PLPPR3: variants seen among roughly 807,000 people sequenced by gnomAD.
PLPPR3 encodes the protein phospholipid phosphatase-related protein type 3.
A neutral mutation model predicts 27.3 loss-of-function variants in PLPPR3; 14 were observed. The observed-to-expected ratio is 0.51, with a 90% CI of 0.34 to 0.80. The LOEUF is 0.80. Among genes scored for constraint, PLPPR3 ranks in the 30% least tolerant of loss-of-function variants. The pLI, the probability that PLPPR3 is intolerant of heterozygous loss-of-function variation, is 0.01. For missense variants in PLPPR3, 1,287 were observed against 1,056.9 expected (o/e 1.22, Z -3.02); for synonymous variants, 671 against 508.0 (o/e 1.32, Z -4.32).
intron 3 of PLPPR3, 115 bp downstream of exon 3, chr19:815,551 C>A (rs2035039359): frequency 8.2e-7 from 1 of 1,225,736 alleles, no homozygotes; most frequent in Non-Finnish European, 1.1e-6. Context: ...CTGGCACAGG[C>A]CCCGGTGTGG....
At position 814,761 on chromosome 19, in the gene PLPPR3, G is replaced by C. The variant is rs545994545; in HGVS notation, c.600-12C>G. ...ACGGGAAGGTCTTCCTGTAAGAGGC[G>C]TCCAGCGTGAGCCCCGCCCACCTGG... On this transcript the variant is annotated splice_polypyrimidine_tract_variant and intron_variant, in intron 5 of 7. Coordinates refer to ENST00000520876, the MANE Select transcript of PLPPR3 (RefSeq NM_001270366.2). 1.9e-6 allele frequency: 3 copies of C among 1,563,510 alleles called. No individual in the cohort carries two copies. The highest frequency in any genetic ancestry group is 2.6e-6 in the Non-Finnish European group (3 of 1,159,184).
Position 814,969 on chromosome 19 carries a change from G to A in PLPPR3, c.516C>T (p.Leu172=). The change falls in exon 5 of 8, where the codon CTC becomes CTT. Residue 172 remains leucine (L), a synonymous_variant. Coordinates refer to ENST00000520876, the MANE Select transcript of PLPPR3 (RefSeq NM_001270366.2). ...FLTVCKPNYT[L]LGTSCEVNPY... The stretch of plus-strand genomic sequence containing the variant: ...GGTTGACCTCGCAGGACGTGCCCAG[G>A]AGAGTGTAGTTGGGCTTGCAGACGG... 1.2e-6 allele frequency: 2 copies of A among 1,612,686 alleles called. No homozygotes were observed. Among genetic ancestry groups the A allele is most frequent in the Non-Finnish European group, 1.7e-6 (2 of 1,179,964 alleles).
chr19:822,060 AG>A (rs2035157351), upstream of PLPPR3: 1 of 150,284 alleles, frequency 6.7e-6, no homozygotes, highest in Non-Finnish European at 1.5e-5. Flanking sequence ...CGCCGCAGCC[AG>A]GGGCGGGGGC....
rs138673893 is a variant in PLPPR3 at position 818,393 on chromosome 19, A to C, written c.76-2542T>G. ...GCAGGACTCCATCTCAAAAAATAAT[A>C]ATAATAAATAAAATAATAATAATAA... On this transcript the variant is annotated intron_variant, in intron 2 of 7. Transcript: ENST00000520876. 3.9e-3 allele frequency among the ~76,000 whole-genome samples: 597 copies of C among 151,802 alleles called. 3 individuals are homozygous for C. Among genetic ancestry groups the C allele is most frequent in the African/African-American group, 0.014 (573 of 41,366 alleles).
Position 814,460 on chromosome 19 carries a change from T to C in PLPPR3, c.805A>G (p.Ile269Val), listed in dbSNP as rs770283304. The change falls in exon 7 of 8, where the codon ATC becomes GTC. Residue 269 changes from isoleucine (I) to valine (V), a missense_variant. Physicochemically the swap from Ile to Val is conservative, Grantham distance 29. Coordinates refer to ENST00000520876, the MANE Select transcript of PLPPR3 (RefSeq NM_001270366.2). Reference protein sequence around the residue: ...HPVDVYAGFLIGAGIAAYLAC... With the variant: ...HPVDVYAGFLVGAGIAAYLAC... ...AGGTAGGCAGCGATGCCCGCCCCGA[T>C]GAGGAAGCCGGCATACACGTCCACA... 16 of 1,605,528 alleles carry C rather than the reference T, an allele frequency of 1.0e-5. No homozygotes were observed. The highest frequency in any genetic ancestry group is 1.3e-5 in the African/African-American group (1 of 74,848).
At chr19:817,901 G>GC (rs147667688) in intron 2 of PLPPR3, among the ~76,000 whole-genome samples, 2,992 of 152,298 alleles carry the variant, frequency 0.02, 92 homozygotes, top group African/African-American at 0.067. Context: ...CTCACCAGCT[G>GC]CAAAATGGGA....
At position 812,767 on chromosome 19, in the gene PLPPR3, C is replaced by A; in HGVS notation, c.1960G>T (p.Gly654Trp). ...GCCAGGTTGACGGTGGCCACGGCCCCGAACCGCGGCTCCTCCTGGTCCACG... is the reference window on the plus strand; with the variant it reads ...GCCAGGTTGACGGTGGCCACGGCCCAGAACCGCGGCTCCTCCTGGTCCACG... ...SDVDQEEPRF[G>W]AVATVNLATG... Residue 654 changes from glycine (G) to tryptophan (W), a missense_variant, in exon 8 of 8, where the codon GGG becomes TGG. Gly to Trp is a radical substitution (Grantham distance 184). Transcript: ENST00000520876. The A allele has an allele frequency of 1.8e-6, 2 of 1,081,592 alleles. No homozygotes were observed. Among genetic ancestry groups the A allele is most frequent in the Non-Finnish European group, 2.2e-6 (2 of 891,100 alleles). 67.0% of individuals were successfully genotyped at this position (1,081,592 alleles called of 1,614,324 possible).
At chr19:818,907 C>T (rs1433372743) in intron 2 of PLPPR3, among the ~76,000 whole-genome samples, 1 of 151,228 alleles carries the variant, frequency 6.6e-6, no homozygotes, top group Non-Finnish European at 1.5e-5. Flanking sequence ...GATCTTCCTG[C>T]CTCAGCCTCC....
chr19:815,186 C>G lies in PLPPR3; in HGVS notation c.403G>C (p.Gly135Arg). 1 of 1,603,894 alleles carries G rather than the reference C, an allele frequency of 6.2e-7. No homozygotes were observed. The highest frequency in any genetic ancestry group is 8.5e-7 in the Non-Finnish European group (1 of 1,178,842). The change falls in exon 4 of 8, where the codon GGT becomes CGT. Residue 135 changes from glycine to arginine, a missense_variant and splice_region_variant. By Grantham distance (125) the Gly-to-Arg change is moderately radical (BLOSUM62 -2). Transcript: ENST00000520876. ...GGTCGGGGCGCGTCCCGCAACTCAC[C>G]CACAAACCGCACCGTACGCCGCAGG... ...SFLRRTVRFV[G>R]VHVFGLCATA...
At chr19:823,450 A>AAAACAAACAAAC (rs1555703877), upstream of PLPPR3, among the ~76,000 whole-genome samples, 228 of 143,880 alleles carry the variant, frequency 1.6e-3, 3 homozygotes, top group African/African-American at 4.1e-3. Context: ...TCAAAAAAAA[A>AAAACAAACAAAC]AAAAAAAACA....
chr19:819,279 C>CTTTT (rs1252377454), intron 2 of PLPPR3, among the ~76,000 whole-genome samples: 1 of 60,988 alleles, frequency 1.6e-5, no homozygotes. Flanking sequence ...ACCCAGCCTA[C>CTTTT]TTTTTTTTTT....
rs773616996 is a variant in PLPPR3 at position 821,566 on chromosome 19, G to A, written c.-7C>T. ...TCTCCTTGGTGGAGATCATGGTGCCGCGGGCGCCGCAGGCCGTGGCTGGAG... is the reference window on the plus strand; with the variant it reads ...TCTCCTTGGTGGAGATCATGGTGCCACGGGCGCCGCAGGCCGTGGCTGGAG... On this transcript the variant is annotated 5_prime_UTR_variant, in exon 2 of 8. Transcript: ENST00000520876. 1.4e-6 allele frequency: 2 copies of A among 1,478,152 alleles called. No individual in the cohort carries two copies. The highest frequency in any genetic ancestry group is 2.9e-5 in the East Asian group (1 of 33,924). The allele number at this position is 1,478,152 out of a possible 1,614,324, so 91.6% of individuals were successfully genotyped here.
chr19:821,488 C>T lies in PLPPR3; in HGVS notation c.72G>A (p.Val24=). The change falls in exon 2 of 8, where the codon GTG becomes GTA. Residue 24 remains valine (V), a synonymous_variant. Transcript: ENST00000520876. Reference sequence around the variant, plus strand: ...CCCCAGCGCGACCCCCACCCACCTCCACGAAGTAGAAGCAGGGCAGAAGCG... The same window carrying T: ...CCCCAGCGCGACCCCCACCCACCTCTACGAAGTAGAAGCAGGGCAGAAGCG... ...SMTLLPCFYF[V]ELPIVASSIV... The T allele has an allele frequency of 6.6e-7, 1 of 1,515,960 alleles. No homozygotes were observed. The highest frequency in any genetic ancestry group is 8.8e-7 in the Non-Finnish European group (1 of 1,131,518). 93.9% of individuals were successfully genotyped at this position (1,515,960 alleles called of 1,614,324 possible). A position where few individuals can be genotyped will look rare whatever the true frequency, so the allele number is the denominator to read the frequency against.
rs772603486 is a variant in PLPPR3, at chr19:814,841, G to A, written c.599+45C>T. On this transcript the variant is annotated intron_variant, in intron 5 of 7. Transcript: ENST00000520876. ...CTCTGTTTCCCCGCATGTTCACCGG[G>A]GCGGAAGAAGGCTCCCAGTCAGGGG... 9.4e-6 allele frequency: 15 copies of A among 1,590,204 alleles called. No individual in the cohort carries two copies. The Admixed American group carries it at 2.5e-4, about 27-fold the overall frequency.
intron 2 of PLPPR3, among the ~76,000 whole-genome samples, chr19:819,654 C>G (rs1309873759): frequency 1.3e-5 from 2 of 152,074 alleles, no homozygotes; most frequent in Non-Finnish European, 2.9e-5. Context: ...ATGTGGGCAA[C>G]TTAATGATAT....
Position 812,550 on chromosome 19 carries a change from C to T in PLPPR3, c.*20G>A, listed in dbSNP as rs927318803. 1.0e-6 allele frequency: 1 copy of T among 986,180 alleles called. No homozygotes were observed. The highest frequency in any genetic ancestry group is 1.0e-4 in the East Asian group (1 of 9,880). 61.1% of individuals were successfully genotyped at this position (986,180 alleles called of 1,614,324 possible). ...CCCGCGCCCTCGGCCCGCCCCCCGC[C>T]CGCCCCCGGCCCCGCCGCGCTAGTC... is the stretch of plus-strand genomic sequence containing the variant. On this transcript the variant is annotated 3_prime_UTR_variant, in exon 8 of 8. Transcript: ENST00000520876.
upstream of PLPPR3, chr19:822,063 G>C: frequency 6.6e-6 from 1 of 151,618 alleles, no homozygotes; most frequent in East Asian, 2.0e-4. Flanking sequence ...CGCAGCCAGG[G>C]GCGGGGGCTC....
chr19:813,024 T>C lies in PLPPR3; in HGVS notation c.1703A>G (p.Gln568Arg). ...GTCGCGGTCCGACGGCGACCGGTACTGCGAGGAGTCGGAGCTGGCGCTGGA... is the reference window on the plus strand; with the variant it reads ...GTCGCGGTCCGACGGCGACCGGTACCGCGAGGAGTCGGAGCTGGCGCTGGA... ...SSSSASSDSSQYRSPSDRDSA... is the reference protein window; with the variant it reads ...SSSSASSDSSRYRSPSDRDSA... The change falls in exon 8 of 8, where the codon CAG (glutamine) becomes CGG (arginine). Residue 568 changes from glutamine (Q) to arginine (R), a missense_variant. Physicochemically the swap from Gln to Arg is conservative, Grantham distance 43. Transcript: ENST00000520876. The surrounding 1 kb of genome is among the most constrained non-coding windows in gnomAD (Gnocchi z 4.1). The C allele has an allele frequency of 6.6e-7, 1 of 1,519,860 alleles. No individual in the cohort carries two copies. The highest frequency in any genetic ancestry group is 8.8e-7 in the Non-Finnish European group (1 of 1,141,770). The allele number at this position is 1,519,860 out of a possible 1,614,324, so 94.1% of individuals were successfully genotyped here.
intron 2 of PLPPR3, among the ~76,000 whole-genome samples, chr19:820,711 T>A (rs2035130553): frequency 1.3e-5 from 2 of 152,000 alleles, no homozygotes; most frequent in East Asian, 1.9e-4. Context: ...TTAGTAGAGA[T>A]GGGGTTTCAC....
Sources: gnomAD v4.1 joint callset for allele counts (sites outside exome capture counted in the v4.1 genomes callset) on GRCh38, gnomAD v4.1.1 for gene constraint, Gnocchi (gnomAD v3.1) non-coding constraint, MANE v1.5 for transcripts, NCBI Gene and HGNC (gene_info 2026-07-23, HGNC 2026-07-21) for gene names.